Variants in CFAP299 observed in about 807,000 individuals in gnomAD.
CFAP299 encodes cilia and flagella associated protein 299.
In CFAP299, 21 loss-of-function variants were observed where a neutral mutation model predicts 27.0. The ratio of observed to expected loss-of-function variants is 0.78; its 90% CI spans 0.55 to 1.12. CFAP299 has a LOEUF of 1.12. Ranked by LOEUF, CFAP299 falls within the 50% of genes most tolerant of loss-of-function variation. The pLI is 0.00. For missense variants in CFAP299, 310 were observed against 276.6 expected (o/e 1.12, Z -0.86); for synonymous variants, 104 against 98.1 (o/e 1.06, Z -0.36).
chr4:80,957,481 CATT>C (rs1193599068), intron 5 of CFAP299, among the ~76,000 whole-genome samples: 1 of 152,058 alleles, frequency 6.6e-6, no homozygotes, highest in Non-Finnish European at 1.5e-5. Context: ...ATTTTTAACT[CATT>C]AATTAATGAG....
intron 2 of CFAP299, among the ~76,000 whole-genome samples, chr4:80,502,583 T>C (rs1731797936): frequency 6.6e-6 from 1 of 152,088 alleles, no homozygotes; most frequent in Non-Finnish European, 1.5e-5. Context: ...CATTTGTCAC[T>C]TAAGACCAAT....
At chr4:80,487,730 T>C (rs75851069) in intron 2 of CFAP299, among the ~76,000 whole-genome samples, 6 of 152,170 alleles carry the variant, frequency 3.9e-5, no homozygotes, top group Non-Finnish European at 8.8e-5. Context: ...TCAATACTCA[T>C]ATGTTTTTCC....
chr4:80,897,960 C>G (rs34747140), intron 4 of CFAP299, among the ~76,000 whole-genome samples: 1 of 152,220 alleles, frequency 6.6e-6, no homozygotes, highest in African/African-American at 2.4e-5. Flanking sequence ...GCAGGTGAGT[C>G]GGTGCAGGAG....
In CFAP299 at chr4:80,412,846, G is replaced by T. The variant is rs549429997; in HGVS notation, c.242+49962G>T. On this transcript the variant is annotated intron_variant, in intron 2 of 5. Transcript: ENST00000358105. ...AAAGTAATCTCAGTTCATAGGGATG[G>T]CAATTATCTTCCTTAATGGGTATGC... 4.6e-5 allele frequency among the ~76,000 whole-genome samples: 7 copies of T among 152,246 alleles called. No individual in the cohort carries two copies. In the South Asian group the frequency reaches 1.5e-3, roughly 32 times the overall value.
chr4:80,438,941 G>A lies in CFAP299; in HGVS notation c.242+76057G>A, dbSNP rs980377742. ...TTTATATGTAGGTCTTTTTTGCAAT[G>A]GTTATTTCAAATAGAATCATTTTTT... On this transcript the variant is annotated intron_variant, in intron 2 of 5. Coordinates refer to ENST00000358105, the MANE Select transcript of CFAP299 (RefSeq NM_152770.3). Among the ~76,000 whole-genome samples, 4 of 151,966 alleles carry A rather than the reference G, an allele frequency of 2.6e-5. No homozygotes were observed. In the South Asian group the frequency reaches 6.2e-4, roughly 24 times the overall value.
chr4:80,744,012 G>C (rs1171044295), intron 3 of CFAP299, among the ~76,000 whole-genome samples: 1 of 151,950 alleles, frequency 6.6e-6, no homozygotes, highest in Admixed American at 6.6e-5. Flanking sequence ...TTTCCACAAA[G>C]ATAATATCTG....
At chr4:80,825,633 C>G (rs1221332350) in intron 3 of CFAP299, among the ~76,000 whole-genome samples, 1 of 151,890 alleles carries the variant, frequency 6.6e-6, no homozygotes, top group Non-Finnish European at 1.5e-5. Flanking sequence ...ACCAAGAATC[C>G]TATATCCAGC....
At chr4:80,435,661 G>T (rs964383126) in intron 2 of CFAP299, among the ~76,000 whole-genome samples, 2 of 152,160 alleles carry the variant, frequency 1.3e-5, no homozygotes, top group African/African-American at 4.8e-5. Flanking sequence ...CCTTGCAGAG[G>T]GTTGAGCAAA....
At chr4:80,917,195 T>TA (rs1012080940) in intron 4 of CFAP299, among the ~76,000 whole-genome samples, 10 of 152,106 alleles carry the variant, frequency 6.6e-5, no homozygotes, top group Admixed American at 2.0e-4. Context: ...GACTTTTTTT[T>TA]ATGATGAAGG....
intron 3 of CFAP299, among the ~76,000 whole-genome samples, chr4:80,774,454 G>A (rs1726408479): frequency 6.6e-6 from 1 of 151,764 alleles, no homozygotes; most frequent in African/African-American, 2.4e-5. Flanking sequence ...TATAAAAAAT[G>A]CATATTTATG....
At chr4:80,676,634 A>G (rs1368248709) in intron 3 of CFAP299, among the ~76,000 whole-genome samples, 1 of 151,804 alleles carries the variant, frequency 6.6e-6, no homozygotes, top group African/African-American at 2.4e-5. Context: ...TTGATTACTC[A>G]TTATTGGTTT....
At chr4:80,435,944 C>T (rs771013761) in intron 2 of CFAP299, among the ~76,000 whole-genome samples, 24 of 152,106 alleles carry the variant, frequency 1.6e-4, no homozygotes, top group Non-Finnish European at 4.4e-5. Flanking sequence ...CCATATCTAT[C>T]TTTAATGTAA....
chr4:80,901,805 C>T (rs1734913332), intron 4 of CFAP299, among the ~76,000 whole-genome samples: 1 of 152,000 alleles, frequency 6.6e-6, no homozygotes, highest in Admixed American at 6.6e-5. Context: ...CTTATTAAGC[C>T]TAAAATTTCC....
At chr4:80,386,950 G>A (rs750084457) in intron 2 of CFAP299, 7 of 897,708 alleles carry the variant, frequency 7.8e-6, no homozygotes, top group Admixed American at 1.7e-5. Flanking sequence ...TAATGCACCC[G>A]CCGGGAGGAC....
chr4:80,735,236 T>G (rs1723783813), intron 3 of CFAP299, among the ~76,000 whole-genome samples: 1 of 152,166 alleles, frequency 6.6e-6, no homozygotes, highest in Non-Finnish European at 1.5e-5. Flanking sequence ...TATTTCTTTT[T>G]CAGATTGTTC....
At position 80,414,101 on chromosome 4, in the gene CFAP299, C is replaced by T. The variant is rs1302299070; in HGVS notation, c.242+51217C>T. 1.8e-3 allele frequency among the ~76,000 whole-genome samples: 239 copies of T among 136,426 alleles called. 3 individuals carry two copies. Among genetic ancestry groups the T allele is most frequent in the African/African-American group, 6.3e-3 (221 of 35,186 alleles). The allele number at this position is 136,426 out of a possible 152,430, so 89.5% of individuals were successfully genotyped here. On this transcript the variant is annotated intron_variant, in intron 2 of 5. Transcript: ENST00000358105. ...TTTTTTTTTTTTTGAGACGGAGTCTCGCTCTGTCGCCCAGGCTGGAGTGCA... is the reference window on the plus strand; with the variant it reads ...TTTTTTTTTTTTTGAGACGGAGTCTTGCTCTGTCGCCCAGGCTGGAGTGCA...
chr4:80,710,972 A>T (rs1045726408), intron 3 of CFAP299, among the ~76,000 whole-genome samples: 2 of 152,194 alleles, frequency 1.3e-5, no homozygotes, highest in African/African-American at 4.8e-5. Context: ...CAGCGAGTTT[A>T]GAGCACAGGC....
chr4:80,826,786 T>C (rs1429099365), intron 3 of CFAP299, among the ~76,000 whole-genome samples: 1 of 151,920 alleles, frequency 6.6e-6, no homozygotes, highest in Non-Finnish European at 1.5e-5. Flanking sequence ...ACATTGTCCA[T>C]GATAGTTTAT....
chr4:80,634,451 G>C (rs927193276), intron 3 of CFAP299, among the ~76,000 whole-genome samples: 1 of 146,698 alleles, frequency 6.8e-6, no homozygotes, highest in African/African-American at 2.5e-5. Flanking sequence ...TTACCTCAGA[G>C]TGTCATTTCA....
Sources: gnomAD v4.1 joint callset for allele counts (sites outside exome capture counted in the v4.1 genomes callset) on GRCh38, gnomAD v4.1.1 for gene constraint, MANE v1.5 for transcripts, NCBI Gene and HGNC (gene_info 2026-07-23, HGNC 2026-07-21) for gene names.